CATSPERT: variants seen among roughly 807,000 people sequenced by gnomAD.
The protein encoded by CATSPERT is catsper channel auxiliary subunit tau, also known as cation channel sperm-associated targeting subunit tau.
the CATSPERT span, chr2:201,603,341 T>G: frequency 1.5e-6 from 2 of 1,348,118 alleles, no homozygotes; most frequent in African/African-American, 1.5e-5. Flanking sequence ...TCTTTCACTT[T>G]ACACTGAGCT....
At chr2:201,576,517 T>C in the CATSPERT span, among the ~76,000 whole-genome samples, 3 of 152,354 alleles carry the variant, frequency 2.0e-5, no homozygotes, top group East Asian at 3.9e-4. Context: ...TTGCTCCCCA[T>C]AGGCCAGTTC....
chr2:201,562,989 G>A, the CATSPERT span, among the ~76,000 whole-genome samples: 344 of 149,528 alleles, frequency 2.3e-3, 4 homozygotes, highest in East Asian at 0.041. Context: ...ATTCCACAAA[G>A]CCGCCATTGT....
the CATSPERT span, among the ~76,000 whole-genome samples, chr2:201,615,927 A>T: frequency 6.6e-6 from 1 of 152,190 alleles, no homozygotes; most frequent in Admixed American, 6.5e-5. Context: ...TACTATAAAC[A>T]CCTCTATGCA....
the CATSPERT span, among the ~76,000 whole-genome samples, chr2:201,611,186 T>C: frequency 2.0e-5 from 3 of 152,196 alleles, no homozygotes; most frequent in Admixed American, 2.0e-4. Flanking sequence ...TATTTGCTAA[T>C]GATATGATCT....
the CATSPERT span, among the ~76,000 whole-genome samples, chr2:201,509,179 A>G: frequency 1.3e-5 from 2 of 150,928 alleles, 1 homozygote; most frequent in African/African-American, 5.0e-5. Flanking sequence ...TTCTTTTGAT[A>G]GAGGCCATCC....
the CATSPERT span, chr2:201,536,313 T>C: frequency 1.3e-6 from 2 of 1,588,782 alleles, no homozygotes; most frequent in South Asian, 1.1e-5. Context: ...AGAATCATTA[T>C]CCAGTAACTA....
At chr2:201,618,917 C>G in the CATSPERT span, 19 of 1,613,724 alleles carry the variant, frequency 1.2e-5, no homozygotes, top group South Asian at 2.1e-4. Flanking sequence ...AGCCGGTGCC[C>G]GGTGCCCTCC....
At chr2:201,537,361 T>A in the CATSPERT span, 19 of 1,263,300 alleles carry the variant, frequency 1.5e-5, no homozygotes, top group Non-Finnish European at 2.1e-5. Flanking sequence ...TATCTATAAA[T>A]ATTTCTCCAT....
chr2:201,607,805 T>C, the CATSPERT span, among the ~76,000 whole-genome samples: 2 of 152,238 alleles, frequency 1.3e-5, no homozygotes, highest in Admixed American at 6.5e-5. Flanking sequence ...AATGTCATTG[T>C]ATTTGGAGAT....
At chr2:201,606,266 T>A in the CATSPERT span, among the ~76,000 whole-genome samples, 9 of 152,340 alleles carry the variant, frequency 5.9e-5, no homozygotes, top group African/African-American at 2.2e-4. Context: ...ATTATTAGGC[T>A]TTATAAAGAC....
At chr2:201,537,945 CTG>C in the CATSPERT span, among the ~76,000 whole-genome samples, 1 of 152,070 alleles carries the variant, frequency 6.6e-6, no homozygotes, top group African/African-American at 2.4e-5. Context: ...AAATAAATAA[CTG>C]AAGCAGAATT....
chr2:201,615,240 C>G, the CATSPERT span, among the ~76,000 whole-genome samples: 4 of 152,192 alleles, frequency 2.6e-5, no homozygotes, highest in African/African-American at 4.8e-5. Flanking sequence ...CACCCCAAAT[C>G]AACAGAATAT....
At chr2:201,501,451 G>A in the CATSPERT span, among the ~76,000 whole-genome samples, 4 of 144,304 alleles carry the variant, frequency 2.8e-5, no homozygotes, top group African/African-American at 7.6e-5. Context: ...TTAACTTTAT[G>A]TTAAGGAACT....
the CATSPERT span, among the ~76,000 whole-genome samples, chr2:201,598,170 T>C: frequency 3.3e-5 from 5 of 152,210 alleles, no homozygotes; most frequent in Non-Finnish European, 7.3e-5. Context: ...GATAGGATCA[T>C]GGCTCACTGC....
chr2:201,614,649 A>G, the CATSPERT span, among the ~76,000 whole-genome samples: 2 of 152,230 alleles, frequency 1.3e-5, no homozygotes, highest in Non-Finnish European at 2.9e-5. Context: ...AAACTACATC[A>G]ACTAACCAGC....
chr2:201,557,851 T>C, the CATSPERT span: 1 of 152,216 alleles, frequency 6.6e-6, no homozygotes, highest in Non-Finnish European at 1.5e-5. Context: ...TCTGTACACA[T>C]GCATTCTTCA....
At chr2:201,491,639 T>A in the CATSPERT span, 3 of 1,537,174 alleles carry the variant, frequency 2.0e-6, no homozygotes, top group Admixed American at 5.9e-5. Flanking sequence ...AAAGTGATTC[T>A]GTTTAAGTAC....
the CATSPERT span, chr2:201,582,326 A>G: frequency 2.1e-6 from 2 of 964,578 alleles, no homozygotes; most frequent in Admixed American, 5.8e-5. Flanking sequence ...TATTATGCAA[A>G]TACTATTGCA....
At chr2:201,607,760 T>C in the CATSPERT span, among the ~76,000 whole-genome samples, 1 of 152,198 alleles carries the variant, frequency 6.6e-6, no homozygotes, top group Non-Finnish European at 1.5e-5. Flanking sequence ...TTCCCAAAAA[T>C]GCATACGTTG....
Sources: allele counts gnomAD v4.1 joint callset (sites outside exome capture counted in the v4.1 genomes callset), GRCh38; gene constraint gnomAD v4.1.1; transcripts MANE v1.5; gene names NCBI Gene and HGNC (gene_info 2026-07-23, HGNC 2026-07-21).